The following MMP16 variants were observed in gnomAD, a reference collection of about 807,000 sequenced individuals.
The protein encoded by MMP16 is matrix metallopeptidase 16.
MMP16 carries 12 observed loss-of-function variants against 67.8 expected under a neutral mutation model. That is an observed-to-expected ratio of 0.18 (90% CI 0.11 to 0.29). The LOEUF is 0.29. Ranked by LOEUF, MMP16 falls within the 10% of genes least tolerant of loss-of-function variation. The probability of loss-of-function intolerance (pLI) is 1.00; values close to 1 mark genes in which losing one functional copy is unlikely to be tolerated. For missense variants in MMP16, 475 were observed against 765.7 expected (o/e 0.62, Z 4.48); for synonymous variants, 249 against 255.9 (o/e 0.97, Z 0.26).
intron 1 of MMP16, among the ~76,000 whole-genome samples, chr8:88,234,501 T>A (rs1044815749): frequency 6.6e-6 from 1 of 152,234 alleles, no homozygotes; most frequent in Non-Finnish European, 1.5e-5. Context: ...CTGGGTGCCA[T>A]GGGTCCCCCC....
chr8:88,260,447 A>G (rs1810369605), intron 1 of MMP16, among the ~76,000 whole-genome samples: 1 of 152,082 alleles, frequency 6.6e-6, no homozygotes, highest in Non-Finnish European at 1.5e-5. Context: ...TCTGGAGTCA[A>G]TTATTGAAAC....
intron 1 of MMP16, among the ~76,000 whole-genome samples, chr8:88,305,731 GA>G (rs1291388689): frequency 6.6e-6 from 1 of 152,158 alleles, no homozygotes; most frequent in Non-Finnish European, 1.5e-5. Flanking sequence ...GAAGTTCTTT[GA>G]AACTAAACAG....
chr8:88,062,573 T>C (rs1040298679), intron 7 of MMP16, among the ~76,000 whole-genome samples: 2 of 151,690 alleles, frequency 1.3e-5, no homozygotes, highest in Non-Finnish European at 2.9e-5. Flanking sequence ...AACCAAACAC[T>C]GCTTGTTCTC....
At chr8:88,105,789 C>T (rs2118394193) in intron 6 of MMP16, among the ~76,000 whole-genome samples, 1 of 151,350 alleles carries the variant, frequency 6.6e-6, no homozygotes, top group Middle Eastern at 3.4e-3. Flanking sequence ...GACACAGATG[C>T]ATCATTAAAT....
intron 6 of MMP16, among the ~76,000 whole-genome samples, chr8:88,088,923 C>T (rs1489120692): frequency 6.6e-6 from 1 of 151,928 alleles, no homozygotes; most frequent in African/African-American, 2.4e-5. Context: ...GGAGAAAGTT[C>T]TAAAAAATAA....
At chr8:88,271,004 T>C (rs1656257257) in intron 1 of MMP16, among the ~76,000 whole-genome samples, 1 of 152,186 alleles carries the variant, frequency 6.6e-6, no homozygotes, top group South Asian at 2.1e-4. Context: ...TGCCTGGCGT[T>C]TGCTAGATGA....
intron 4 of MMP16, among the ~76,000 whole-genome samples, chr8:88,137,232 T>G (rs536948907): frequency 2.6e-5 from 4 of 151,994 alleles, no homozygotes; most frequent in African/African-American, 9.6e-5. Flanking sequence ...TATTTCTTTT[T>G]GCCATTTTGG....
chr8:88,264,990 C>A (rs190079630), intron 1 of MMP16, among the ~76,000 whole-genome samples: 1 of 152,222 alleles, frequency 6.6e-6, no homozygotes, highest in African/African-American at 2.4e-5. Flanking sequence ...CTGCCCCTAC[C>A]GATCCTCTCC....
rs778517507 is a variant in MMP16 at position 88,118,874 on chromosome 8, G to T, written c.710-13C>A. 9.9e-6 allele frequency: 16 copies of T among 1,609,790 alleles called. No individual in the cohort carries two copies. The South Asian group carries it at 1.8e-4, about 18-fold the overall frequency. On this transcript the variant is annotated splice_polypyrimidine_tract_variant and intron_variant, in intron 4 of 9. Coordinates refer to ENST00000286614, the MANE Select transcript of MMP16 (RefSeq NM_005941.5). The stretch of plus-strand genomic sequence containing the variant: ...AATAAGTCATTTCCTGTGTGAACAA[G>T]AAGAAAATAAGTTTTTGTAACTAAT...
At chr8:88,113,726 G>C (rs1201606606) in intron 6 of MMP16, among the ~76,000 whole-genome samples, 1 of 151,890 alleles carries the variant, frequency 6.6e-6, no homozygotes, top group Admixed American at 6.6e-5. Context: ...ATATCCTTCT[G>C]TGACATTCAC....
At chr8:88,042,046 G>T (rs1242943407) in intron 9 of MMP16, among the ~76,000 whole-genome samples, 1 of 152,154 alleles carries the variant, frequency 6.6e-6, no homozygotes, top group Non-Finnish European at 1.5e-5. Context: ...ACAGAGGACT[G>T]TTCAAAGACC....
rs888090443 is a variant in MMP16 at position 88,146,688 on chromosome 8, C to CT, written c.709+20980dup. Among the ~76,000 whole-genome samples, 150 of 151,606 alleles carry CT rather than the reference C, an allele frequency of 9.9e-4. 2 individuals are homozygous for CT. Among genetic ancestry groups the CT allele is most frequent in the African/African-American group, 3.4e-3 (140 of 41,412 alleles). ...TTCTAGGAACATTTAAATGATACTT[C>CT]TTTTTTTGGCTATTAAAAGCAATTA... On this transcript the variant is annotated intron_variant, in intron 4 of 9. Transcript: ENST00000286614.
rs758151246 is a variant in MMP16 at position 88,041,606 on chromosome 8, C to T, written c.1679G>A (p.Ser560Asn). ...DIVIKLDNTASTVKAIAIVIP... is the reference protein window; with the variant it reads ...DIVIKLDNTANTVKAIAIVIP... ...GACAATAGCTATGGCTTTCACAGTG[C>T]TGGCTGTGTTGTCCAGTTTGATGAC... Residue 560 changes from serine (S) to asparagine (N), a missense_variant, in exon 10 of 10, where the codon AGC (serine) becomes AAC (asparagine). Around this residue, in one of 5 missense-constraint regions of MMP16, gnomAD observed 80 missense variants for 93.4 expected, o/e 0.86. Transcript: ENST00000286614. The surrounding 1 kb of genome is among the most constrained non-coding windows in gnomAD (Gnocchi z 6.0). The T allele has an allele frequency of 1.2e-6, 2 of 1,614,132 alleles. No homozygotes were observed. The highest frequency in any genetic ancestry group is 1.3e-5 in the African/African-American group (1 of 75,060).
chr8:88,247,728 T>C (rs933329136), intron 1 of MMP16, among the ~76,000 whole-genome samples: 2 of 151,806 alleles, frequency 1.3e-5, no homozygotes, highest in Non-Finnish European at 2.9e-5. Flanking sequence ...TGTATTAACA[T>C]AGACTTCAGC....
chr8:88,061,478 C>T (rs906405879), intron 7 of MMP16, among the ~76,000 whole-genome samples: 5 of 151,922 alleles, frequency 3.3e-5, no homozygotes, highest in African/African-American at 1.2e-4. Flanking sequence ...CCCTTTCAAG[C>T]AGAAGCATTC....
At chr8:88,158,486 C>T (rs1278073148) in intron 4 of MMP16, among the ~76,000 whole-genome samples, 2 of 152,176 alleles carry the variant, frequency 1.3e-5, no homozygotes, top group African/African-American at 4.8e-5. Context: ...AGTGTCGATT[C>T]ATATCCTTTG....
chr8:88,267,748 A>G (rs1385026136), intron 1 of MMP16, among the ~76,000 whole-genome samples: 1 of 152,254 alleles, frequency 6.6e-6, no homozygotes, highest in Non-Finnish European at 1.5e-5. Context: ...TATAGTCAGC[A>G]TAGTCAAATT....
intron 1 of MMP16, among the ~76,000 whole-genome samples, chr8:88,208,750 T>G (rs1809467342): frequency 6.7e-6 from 1 of 150,338 alleles, no homozygotes; most frequent in Non-Finnish European, 1.5e-5. Flanking sequence ...ACACACATGT[T>G]GTGCATGACT....
chr8:88,153,372 G>T (rs1808444605), intron 4 of MMP16, among the ~76,000 whole-genome samples: 1 of 151,996 alleles, frequency 6.6e-6, no homozygotes, highest in Non-Finnish European at 1.5e-5. Context: ...CTACTTTAAA[G>T]TTCATATGGA....
Sources: allele counts gnomAD v4.1 joint callset (sites outside exome capture counted in the v4.1 genomes callset), GRCh38; gene constraint gnomAD v4.1.1; regional missense constraint gnomAD v4.1.1; non-coding constraint Gnocchi (gnomAD v3.1); transcripts MANE v1.5; gene names NCBI Gene and HGNC (gene_info 2026-07-23, HGNC 2026-07-21).